Variants in PCBP2 observed in about 807,000 individuals in gnomAD.
The protein encoded by PCBP2 is poly(rC)-binding protein 2.
PCBP2 carries 4 observed loss-of-function variants against 50.1 expected under a neutral mutation model. The observed-to-expected ratio is 0.08, with a 90% CI of 0.04 to 0.18. The LOEUF (loss-of-function observed/expected upper bound fraction) is 0.18, where lower values mean the gene tolerates loss of function less well. Among genes scored for constraint, PCBP2 ranks in the 10% least tolerant of loss-of-function variants. The pLI is 1.00. For missense variants in PCBP2, 161 were observed against 474.3 expected, an observed-to-expected ratio of 0.34 and a Z score of 6.14; for synonymous variants, 179 against 168.0, an observed-to-expected ratio of 1.07 and a Z score of -0.51.
At position 53,455,509 on chromosome 12, in the gene PCBP2, C is replaced by G; in HGVS notation, c.126+16C>G. 6.2e-7 allele frequency: 1 copy of G among 1,612,874 alleles called. No individual in the cohort carries two copies. Among genetic ancestry groups the G allele is most frequent in the Non-Finnish European group, 8.5e-7 (1 of 1,178,966 alleles). On this transcript the variant is annotated intron_variant, in intron 4 of 14. Coordinates refer to ENST00000546463, the MANE Select transcript of PCBP2 (RefSeq NM_031989.5). ...GCGCGAGGAGGTAAGTTATGAAAGA[C>G]TGAGATTGTTAACTTTGGGAAGTAA... is the stretch of plus-strand genomic sequence containing the variant.
At chr12:53,460,953 T>G (rs1198144268) in intron 6 of PCBP2, 62 bp from the exon 7 acceptor site, 1 of 1,575,622 alleles carries the variant, frequency 6.3e-7, no homozygotes, top group South Asian at 1.1e-5. Flanking sequence ...AAATTGCTGC[T>G]GGAGGAATTG....
Position 53,455,955 on chromosome 12 carries a change from A to T in PCBP2, c.197A>T (p.Asn66Ile). Residue 66 changes from asparagine to isoleucine, a missense_variant, in exon 5 of 15, where the codon AAT (asparagine) becomes ATT (isoleucine). Physicochemically the swap from Asn to Ile is moderately radical, Grantham distance 149 (BLOSUM62 -3). Transcript: ENST00000546463. ...ERIITLAGPT[N>I]AIFKAFAMII... ...ATTATCACTTTGGCTGGACCCACTA[A>T]TGCCATCTTCAAAGCCTTTGCTATG... 1.2e-6 allele frequency: 2 copies of T among 1,613,762 alleles called. No homozygotes were observed. The highest frequency in any genetic ancestry group is 1.7e-6 in the Non-Finnish European group (2 of 1,179,676).
At position 53,452,290 on chromosome 12, in the gene PCBP2, G is replaced by A. The variant is rs1022130740; in HGVS notation, c.-162G>A. On this transcript the variant is annotated 5_prime_UTR_variant, in exon 1 of 15. Transcript: ENST00000546463. ...CCCGCGGGGCCCCCCTCGCCTTCCC[G>A]CCCGCCCCTATTGTTCCGCCCCCGG... 1 of 87,784 alleles carries A rather than the reference G, an allele frequency of 1.1e-5. No homozygotes were observed. The highest frequency in any genetic ancestry group is 2.3e-5 in the Non-Finnish European group (1 of 42,978). The allele number at this position is 87,784 out of a possible 1,614,324, so 5.4% of individuals were successfully genotyped here.
chr12:53,457,681 C>T (rs2137029634), intron 5 of PCBP2, among the ~76,000 whole-genome samples: 1 of 152,060 alleles, frequency 6.6e-6, no homozygotes, highest in Middle Eastern at 3.4e-3. Flanking sequence ...TGAAAGAAAG[C>T]TAGAGTACAA....
chr12:53,452,321 C>G lies in PCBP2; in HGVS notation c.-131C>G, dbSNP rs963827359. ...CCCTATTGTTCCGCCCCCGGCCTCC[C>G]GCCCTTCCCCTTCCCGCCCGCTCCC... On this transcript the variant is annotated 5_prime_UTR_variant, in exon 1 of 15. Coordinates refer to ENST00000546463, the MANE Select transcript of PCBP2 (RefSeq NM_031989.5). The G allele has an allele frequency of 7.0e-6, 1 of 142,824 alleles. No homozygotes were observed. The highest frequency in any genetic ancestry group is 2.6e-5 in the African/African-American group (1 of 38,244). The allele number at this position is 142,824 out of a possible 1,614,324, so 8.8% of individuals were successfully genotyped here.
intron 11 of PCBP2, chr12:53,467,600 T>C (rs891161879): frequency 1.6e-6 from 1 of 623,094 alleles, no homozygotes; most frequent in Non-Finnish European, 2.8e-6. Flanking sequence ...GCCCCCTTGA[T>C]CTGATCAGCA....
At chr12:53,458,355 G>C (rs1474002646) in intron 5 of PCBP2, among the ~76,000 whole-genome samples, 1 of 151,896 alleles carries the variant, frequency 6.6e-6, no homozygotes. Context: ...CCCTAGGCTG[G>C]AGTGCAGTGG....
chr12:53,471,260 C>G (rs1942212075), intron 13 of PCBP2, among the ~76,000 whole-genome samples: 1 of 150,690 alleles, frequency 6.6e-6, no homozygotes, highest in Non-Finnish European at 1.5e-5. Flanking sequence ...GCCTGAGCAA[C>G]ATAGCGAGAC....
chr12:53,453,811 TAAA>T (rs1301179799), intron 1 of PCBP2, among the ~76,000 whole-genome samples: 1 of 152,228 alleles, frequency 6.6e-6, no homozygotes, highest in Non-Finnish European at 1.5e-5. Context: ...CTAGTTACTC[TAAA>T]GCAGAAATGT....
rs764782139 is a variant in PCBP2 at position 53,459,352 on chromosome 12, G to A, written c.324G>A (p.Gln108=). Residue 108 remains glutamine (Q), a synonymous_variant, in exon 6 of 15, where the codon CAG becomes CAA. Coordinates refer to ENST00000546463, the MANE Select transcript of PCBP2 (RefSeq NM_031989.5). ...VTLRLVVPAS[Q]CGSLIGKGGC... is the part of the protein sequence containing the mutation. Reference sequence around the variant, plus strand: ...TGAGGCTGGTGGTCCCTGCTAGTCAGTGTGGCTCTCTCATTGGAAAAGGTG... The same window carrying A: ...TGAGGCTGGTGGTCCCTGCTAGTCAATGTGGCTCTCTCATTGGAAAAGGTG... The A allele has an allele frequency of 5.1e-5, 83 of 1,613,010 alleles. No individual in the cohort carries two copies. Among genetic ancestry groups the A allele is most frequent in the Non-Finnish European group, 6.4e-5 (76 of 1,179,310 alleles).
In PCBP2 at chr12:53,459,366, T is replaced by C; in HGVS notation, c.338T>C (p.Ile113Thr). ...VVPASQCGSL[I>T]GKGGCKIKEI... The stretch of plus-strand genomic sequence containing the variant: ...CCTGCTAGTCAGTGTGGCTCTCTCA[T>C]TGGAAAAGGTGGATGCAAGATCAAG... The change falls in exon 6 of 15, where the codon ATT becomes ACT. Residue 113 changes from isoleucine to threonine, a missense_variant. Physicochemically the swap from Ile to Thr is moderately conservative, Grantham distance 89 (BLOSUM62 -1). Around this residue, in one of 7 missense-constraint regions of PCBP2, gnomAD observed 13 missense variants for 71.8 expected, o/e 0.18. Transcript: ENST00000546463. The C allele has an allele frequency of 6.2e-7, 1 of 1,612,746 alleles. No individual in the cohort carries two copies.
In PCBP2 at chr12:53,463,774, T is replaced by G. The variant is rs188507542; in HGVS notation, c.580-986T>G. ...AAGCAAGTGCGTTGCTCAAAACACC[T>G]TTTCCCACTTGGGGCTGGTCTGTTA... On this transcript the variant is annotated intron_variant, in intron 8 of 14. Coordinates refer to ENST00000546463, the MANE Select transcript of PCBP2 (RefSeq NM_031989.5). Among the ~76,000 whole-genome samples, 12 of 152,352 alleles carry G rather than the reference T, an allele frequency of 7.9e-5. No individual in the cohort carries two copies. The East Asian group carries it at 2.1e-3, about 27-fold the overall frequency.
Position 53,455,333 on chromosome 12 carries a change from T to C in PCBP2, c.70-14T>C, listed in dbSNP as rs1482410841. On this transcript the variant is annotated splice_polypyrimidine_tract_variant and intron_variant, in intron 2 of 14. Coordinates refer to ENST00000546463, the MANE Select transcript of PCBP2 (RefSeq NM_031989.5). ...TGAGTTTCCTCTTACTGACGTTAGT[T>C]TTCTCCATTGCAGGAAGTTGGCAGT... 2 of 1,612,762 alleles carry C rather than the reference T, an allele frequency of 1.2e-6. No individual in the cohort carries two copies. The highest frequency in any genetic ancestry group is 2.2e-5 in the East Asian group (1 of 44,840).
intron 14 of PCBP2, among the ~76,000 whole-genome samples, chr12:53,477,003 T>G (rs1198669675): frequency 6.6e-6 from 1 of 152,146 alleles, no homozygotes; most frequent in Non-Finnish European, 1.5e-5. Context: ...CTACCATCAC[T>G]ACCTCCAAAG....
Position 53,461,009 on chromosome 12 carries a change from C to G in PCBP2, c.376-6C>G. 1 of 1,612,602 alleles carries G rather than the reference C, an allele frequency of 6.2e-7. No homozygotes were observed. Among genetic ancestry groups the G allele is most frequent in the Non-Finnish European group, 8.5e-7 (1 of 1,179,688 alleles). On this transcript the variant is annotated splice_region_variant and splice_polypyrimidine_tract_variant and intron_variant, in intron 6 of 14. Transcript: ENST00000546463. ...CTCTGATTTTGAATTTCTTTTTACT[C>G]CAAAGAGTACAGGGGCTCAGGTCCA...
intron 14 of PCBP2, among the ~76,000 whole-genome samples, chr12:53,477,809 G>A (rs1048013157): frequency 2.0e-5 from 3 of 151,902 alleles, no homozygotes; most frequent in African/African-American, 7.3e-5. Flanking sequence ...CCAGCTTTTG[G>A]CTTTGCATTG....
intron 14 of PCBP2, among the ~76,000 whole-genome samples, chr12:53,478,280 A>C (rs1018160094): frequency 2.5e-4 from 38 of 152,030 alleles, no homozygotes; most frequent in African/African-American, 9.2e-4. Flanking sequence ...GGCCAAGACA[A>C]GTGGATCACC....
At chr12:53,457,443 C>T (rs528531670) in intron 5 of PCBP2, among the ~76,000 whole-genome samples, 1 of 152,062 alleles carries the variant, frequency 6.6e-6, no homozygotes, top group Non-Finnish European at 1.5e-5. Context: ...TGGCTCACTG[C>T]AGCCTCATCT....
At chr12:53,474,639 CT>C (rs1239145706) in intron 14 of PCBP2, among the ~76,000 whole-genome samples, 1 of 152,112 alleles carries the variant, frequency 6.6e-6, no homozygotes, top group African/African-American at 2.4e-5. Context: ...TCAGCTTTTT[CT>C]TCACCATAGC....
Sources: gnomAD v4.1 joint callset for allele counts (sites outside exome capture counted in the v4.1 genomes callset) on GRCh38, gnomAD v4.1.1 for gene constraint, gnomAD v4.1.1 regional missense constraint, MANE v1.5 for transcripts, NCBI Gene and HGNC (gene_info 2026-07-23, HGNC 2026-07-21) for gene names.